HUWE1: variants seen among roughly 807,000 people sequenced by gnomAD.
HUWE1 encodes E3 ubiquitin-protein ligase HUWE1.
A neutral mutation model predicts 299.4 loss-of-function variants in HUWE1; 18 were observed. That is an observed-to-expected ratio of 0.06 (90% CI 0.04 to 0.09). The LOEUF is 0.09. Among genes scored for constraint, HUWE1 ranks in the 10% least tolerant of loss-of-function variants. HUWE1 has a pLI of 1.00. For missense variants in HUWE1, 1,832 were observed against 3,462.3 expected, an observed-to-expected ratio of 0.53 and a Z score of 11.82; for synonymous variants, 1,317 against 1,286.1, an observed-to-expected ratio of 1.02 and a Z score of -0.51.
At chrX:53,682,677 T>TTC (rs2070231847) in intron 2 of HUWE1, among the ~76,000 whole-genome samples, 1 of 110,093 alleles carries the variant, frequency 9.1e-6, no homozygotes, top group Non-Finnish European at 1.9e-5. Flanking sequence ...ATAGAAAGAT[T>TTC]AAGAAGTGAG....
chrX:53,555,362 G>T (rs146973722), intron 60 of HUWE1, among the ~76,000 whole-genome samples: 3,021 of 111,679 alleles, frequency 0.027, 40 homozygotes, highest in Middle Eastern at 0.051. Flanking sequence ...GGGTCTCACT[G>T]TTGCCCAGGC....
chrX:53,564,124 T>C (rs900640682), intron 51 of HUWE1, among the ~76,000 whole-genome samples: 10 of 112,007 alleles, frequency 8.9e-5, no homozygotes, highest in Non-Finnish European at 1.9e-4. Context: ...AGGCCCAATT[T>C]CTTACCCAAT....
intron 37 of HUWE1, 102 bp downstream of exon 37, chrX:53,588,280 T>C (rs1893261757): frequency 4.7e-6 from 4 of 856,550 alleles, no homozygotes; most frequent in Admixed American, 2.5e-5. Context: ...GCAGGACTCA[T>C]GCCTTATTCT....
At chrX:53,653,564 G>C (rs782284305) in intron 4 of HUWE1, among the ~76,000 whole-genome samples, 2 of 111,684 alleles carry the variant, frequency 1.8e-5, no homozygotes, top group African/African-American at 3.3e-5. Context: ...GTCGACAAAG[G>C]GTTAATTGAT....
intron 3 of HUWE1, among the ~76,000 whole-genome samples, chrX:53,660,562 G>C (rs781826912): frequency 8.9e-6 from 1 of 112,117 alleles, no homozygotes; most frequent in Non-Finnish European, 1.9e-5. Context: ...GGGAACGTTA[G>C]TATACTGAGT....
At chrX:53,620,908 G>A (rs782761444) in intron 19 of HUWE1, among the ~76,000 whole-genome samples, 4 of 111,273 alleles carry the variant, frequency 3.6e-5, no homozygotes, top group Non-Finnish European at 7.5e-5. Flanking sequence ...TATGCAGAAG[G>A]TCTCTGCCAA....
In HUWE1 at chrX:53,628,917, G is replaced by A; in HGVS notation, c.964-15C>T. ...GCTTTAATCTCCTATTAAATTAGAA[G>A]GTAAACACATAATGTGTCAAATATA... On this transcript the variant is annotated splice_polypyrimidine_tract_variant and intron_variant, in intron 13 of 83. Transcript: ENST00000262854. 1.7e-5 allele frequency: 20 copies of A among 1,174,168 alleles called. No homozygotes were observed. Among genetic ancestry groups the A allele is most frequent in the Non-Finnish European group, 2.2e-5 (19 of 862,918 alleles).
intron 28 of HUWE1, among the ~76,000 whole-genome samples, chrX:53,600,955 T>G (rs1341503038): frequency 8.9e-6 from 1 of 111,972 alleles, no homozygotes; most frequent in Non-Finnish European, 1.9e-5. Flanking sequence ...TCATTCTCAG[T>G]TCTTAGTCAA....
chrX:53,629,119 C>T (rs2066705802), intron 13 of HUWE1, among the ~76,000 whole-genome samples: 1 of 110,792 alleles, frequency 9.0e-6, no homozygotes, highest in South Asian at 3.8e-4. Flanking sequence ...CTTTCTAACC[C>T]TCTGGGAAAA....
chrX:53,596,270 T>G (rs1262039670), intron 29 of HUWE1, among the ~76,000 whole-genome samples: 1 of 111,543 alleles, frequency 9.0e-6, no homozygotes, highest in Admixed American at 9.5e-5. Flanking sequence ...ATAGATATAC[T>G]GAAAATTTTG....
chrX:53,565,560 AT>A (rs782185214), intron 49 of HUWE1, among the ~76,000 whole-genome samples: 9,420 of 106,280 alleles, frequency 0.089, 451 homozygotes, highest in Non-Finnish European at 0.14. Flanking sequence ...TGTACTCAGG[AT>A]TTTTTTTTTT....
At chrX:53,671,649 C>T (rs910829906) in intron 3 of HUWE1, among the ~76,000 whole-genome samples, 79 of 110,156 alleles carry the variant, frequency 7.2e-4, no homozygotes, top group Non-Finnish European at 1.3e-3. Flanking sequence ...AAAAATTAGC[C>T]GGGCGAGGTG....
chrX:53,615,976 C>T (rs1603114407), intron 21 of HUWE1, 141 bp from the exon 22 acceptor site: 1 of 491,167 alleles, frequency 2.0e-6, no homozygotes, highest in Non-Finnish European at 3.5e-6. Flanking sequence ...TTTATGTCAC[C>T]CAGACTGGAG....
chrX:53,537,778 A>G lies in HUWE1; in HGVS notation c.11997-82T>C, dbSNP rs192245570. 36 of 958,203 alleles carry G rather than the reference A, an allele frequency of 3.8e-5. No homozygotes were observed. In the African/African-American group the frequency reaches 6.2e-4, roughly 16 times the overall value. The allele number at this position is 958,203 out of a possible 1,213,427, so 79.0% of individuals were successfully genotyped here. A position where few individuals can be genotyped will look rare whatever the true frequency, so the allele number is the denominator to read the frequency against. On this transcript the variant is annotated intron_variant, in intron 77 of 83. Transcript: ENST00000262854. ...TGTGTGATTAGGAAGAAGACCCACA[A>G]TGATGCTCCTTCTATCCTCCAAACA...
At chrX:53,670,217 C>CT (rs2069450022) in intron 3 of HUWE1, among the ~76,000 whole-genome samples, 1 of 112,100 alleles carries the variant, frequency 8.9e-6, no homozygotes, top group South Asian at 3.7e-4. Context: ...TGACTTTCTA[C>CT]TTTAAAATTC....
chrX:53,681,232 G>A (rs1378957080), intron 2 of HUWE1, among the ~76,000 whole-genome samples: 1 of 110,109 alleles, frequency 9.1e-6, no homozygotes, highest in Non-Finnish European at 1.9e-5. Context: ...TCAGGAGATC[G>A]AGACCATCCT....
Position 53,587,544 on chromosome X carries a change from C to T in HUWE1, c.4615-635G>A, listed in dbSNP as rs183826346. Among the ~76,000 whole-genome samples the T allele has an allele frequency of 1.1e-4, 12 of 112,094 alleles. No homozygotes were observed. The East Asian group carries it at 3.3e-3, about 31-fold the overall frequency. On this transcript the variant is annotated intron_variant, in intron 37 of 83. Coordinates refer to ENST00000262854, the MANE Select transcript of HUWE1 (RefSeq NM_031407.7). ...TTGCTTAAATGAACAGGAAAAAACACTAAAAGAAAATACAAGACTGTTACT... is the reference window on the plus strand; with the variant it reads ...TTGCTTAAATGAACAGGAAAAAACATTAAAAGAAAATACAAGACTGTTACT...
In HUWE1 at chrX:53,682,603, G is replaced by A. The variant is rs142302697; in HGVS notation, c.-162-2417C>T. ...GAAGGGGTAAAATGTAGTGGAGCCT[G>A]AGAGGAGGGTTATCTTCCTTCTAAG... On this transcript the variant is annotated intron_variant, in intron 2 of 83. Coordinates refer to ENST00000262854, the MANE Select transcript of HUWE1 (RefSeq NM_031407.7). Among the ~76,000 whole-genome samples, 853 of 111,444 alleles carry A rather than the reference G, an allele frequency of 7.7e-3. 9 individuals carry two copies. Among genetic ancestry groups the A allele is most frequent in the African/African-American group, 0.027 (820 of 30,549 alleles).
intron 19 of HUWE1, 64 bp from the exon 20 acceptor site, chrX:53,617,510 C>T (rs183879289): frequency 1.8e-5 from 12 of 685,113 alleles, no homozygotes; most frequent in South Asian, 1.6e-4. Context: ...AAACAAAACA[C>T]CAAAAGCTTA....
Sources: gnomAD v4.1 joint callset for allele counts (sites outside exome capture counted in the v4.1 genomes callset) on GRCh38, gnomAD v4.1.1 for gene constraint, MANE v1.5 for transcripts, NCBI Gene and HGNC (gene_info 2026-07-23, HGNC 2026-07-21) for gene names.